The following LRRC63 variants were observed in gnomAD, a reference collection of about 807,000 sequenced individuals.
LRRC63 encodes the protein leucine-rich repeat-containing protein 63.
In LRRC63, 40 loss-of-function variants were observed where a neutral mutation model predicts 49.5. The ratio of observed to expected loss-of-function variants is 0.81; its 90% confidence interval spans 0.63 to 1.05. The LOEUF (loss-of-function observed/expected upper bound fraction) is 1.05. Among genes scored for constraint, LRRC63 ranks in the 50% least tolerant of loss-of-function variants. The pLI, the probability that LRRC63 is intolerant of heterozygous loss-of-function variation, is 0.00. For missense variants in LRRC63, 636 were observed against 663.1 expected (o/e 0.96, Z 0.45); for synonymous variants, 191 against 221.1 (o/e 0.86, Z 1.21).
At chr13:46,242,346 G>A (rs1317151806) in intron 5 of LRRC63, among the ~76,000 whole-genome samples, 2 of 152,040 alleles carry the variant, frequency 1.3e-5, no homozygotes, top group African/African-American at 2.4e-5. Context: ...GAGAGGATTA[G>A]GAAAAATAAC....
intron 5 of LRRC63, among the ~76,000 whole-genome samples, chr13:46,241,462 A>C (rs1480968753): frequency 6.6e-6 from 1 of 152,218 alleles, no homozygotes; most frequent in East Asian, 1.9e-4. Flanking sequence ...AAAAGCAAAA[A>C]TTGACAGATG....
intron 5 of LRRC63, among the ~76,000 whole-genome samples, chr13:46,234,681 G>A (rs931155795): frequency 1.3e-5 from 2 of 152,130 alleles, no homozygotes; most frequent in Admixed American, 1.3e-4. Flanking sequence ...CTGAACACAA[G>A]CTCAATATCA....
At chr13:46,225,750 T>A (rs530678390) in intron 2 of LRRC63, among the ~76,000 whole-genome samples, 1 of 152,304 alleles carries the variant, frequency 6.6e-6, no homozygotes, top group Non-Finnish European at 1.5e-5. Flanking sequence ...ATGTGGCATA[T>A]GTATCTCTCT....
chr13:46,257,199 C>T (rs2047526187), intron 7 of LRRC63, among the ~76,000 whole-genome samples: 1 of 152,152 alleles, frequency 6.6e-6, no homozygotes, highest in Non-Finnish European at 1.5e-5. Context: ...TGGCCTTCAG[C>T]ATACAGCCAA....
At chr13:46,217,222 G>A (rs2046276681) in intron 2 of LRRC63, among the ~76,000 whole-genome samples, 1 of 152,198 alleles carries the variant, frequency 6.6e-6, no homozygotes, top group East Asian at 1.9e-4. Context: ...GAATTCGGCT[G>A]TGAATCTGTC....
exon 3 of LRRC63, chr13:46,227,723 G>C (rs2046617607): frequency 1.3e-6 from 2 of 1,550,338 alleles, no homozygotes; most frequent in South Asian, 2.4e-5. Flanking sequence ...TCCGTGAGCA[G>C]ATTCCAGATA....
At chr13:46,215,717 C>T (rs1376621865) in intron 2 of LRRC63, among the ~76,000 whole-genome samples, 1 of 152,092 alleles carries the variant, frequency 6.6e-6, no homozygotes, top group Non-Finnish European at 1.5e-5. Context: ...ATGGTATTGC[C>T]TAGGTTTTCT....
At chr13:46,228,055 T>A (rs764899565) in exon 3 of LRRC63, 1 of 1,551,134 alleles carries the variant, frequency 6.4e-7, no homozygotes, top group South Asian at 1.2e-5. Context: ...ACTGTATCTA[T>A]GAAACCAGAA....
intron 8 of LRRC63, among the ~76,000 whole-genome samples, chr13:46,265,003 G>A (rs149083678): frequency 4.6e-5 from 7 of 152,064 alleles, no homozygotes; most frequent in Non-Finnish European, 7.4e-5. Flanking sequence ...CTAAAAAGAC[G>A]AAAATTAGCC....
chr13:46,212,501 A>G (rs1191858330), intron 1 of LRRC63, among the ~76,000 whole-genome samples: 1 of 152,250 alleles, frequency 6.6e-6, no homozygotes, highest in Non-Finnish European at 1.5e-5. Context: ...GTTGAAAAAC[A>G]AGCCATTATA....
rs8002370 is a variant in LRRC63, at chr13:46,228,222, A to G, written c.763+33A>G. On this transcript the variant is annotated intron_variant, in intron 3 of 9. Coordinates refer to ENST00000595396, the Ensembl canonical transcript of LRRC63. ...CAATCTGAACACGGTATAATTATAG[A>G]GTCAAGTAGAGCAAAGGGGAGAGAA... 1.1e-3 allele frequency: 1,553 copies of G among 1,449,586 alleles called. 17 individuals carry two copies. The African/African-American group carries it at 0.019, about 18-fold the overall frequency. 89.8% of individuals were successfully genotyped at this position (1,449,586 alleles called of 1,614,324 possible).
intron 9 of LRRC63, chr13:46,270,569 C>A: frequency 1.1e-6 from 1 of 870,540 alleles, no homozygotes; most frequent in Non-Finnish European, 2.0e-6. Context: ...GACACAAAAA[C>A]GGTATGAAGA....
intron 2 of LRRC63, among the ~76,000 whole-genome samples, chr13:46,218,537 G>A (rs1054820014): frequency 6.6e-6 from 1 of 152,020 alleles, no homozygotes; most frequent in Non-Finnish European, 1.5e-5. Context: ...CACATTGATG[G>A]GTTTTAACTC....
intron 5 of LRRC63, among the ~76,000 whole-genome samples, chr13:46,235,764 A>G (rs2046886495): frequency 6.6e-6 from 1 of 152,188 alleles, no homozygotes; most frequent in African/African-American, 2.4e-5. Flanking sequence ...CTTATGAACT[A>G]CTAAAGGATT....
chr13:46,264,268 A>G (rs1399731378), intron 8 of LRRC63, among the ~76,000 whole-genome samples: 1 of 152,194 alleles, frequency 6.6e-6, no homozygotes, highest in Non-Finnish European at 1.5e-5. Flanking sequence ...TGAATCAGCC[A>G]GCTCAAACTT....
chr13:46,250,402 T>C (rs1217299577), exon 7 of LRRC63: 1 of 1,526,818 alleles, frequency 6.5e-7, no homozygotes. Context: ...GAAATAATCC[T>C]ATCAAAGAAA....
intron 3 of LRRC63, 128 bp downstream of exon 3, chr13:46,228,317 T>C (rs2046639728): frequency 1.4e-6 from 1 of 709,598 alleles, no homozygotes; most frequent in African/African-American, 1.8e-5. Flanking sequence ...ACCTTTTATA[T>C]ATACATGTAA....
At chr13:46,235,869 T>C (rs2046889309) in intron 5 of LRRC63, among the ~76,000 whole-genome samples, 1 of 152,080 alleles carries the variant, frequency 6.6e-6, no homozygotes. Flanking sequence ...TAAATGAAAC[T>C]ATGGACAGAG....
exon 6 of LRRC63, chr13:46,246,584 C>T (rs1399271280): frequency 2.7e-6 from 4 of 1,471,700 alleles, no homozygotes; most frequent in Non-Finnish European, 2.7e-6. Context: ...GTTGATATAT[C>T]TTAATTTATC....
Sources: allele counts gnomAD v4.1 joint callset (sites outside exome capture counted in the v4.1 genomes callset), GRCh38; gene constraint gnomAD v4.1.1; transcripts MANE v1.5; gene names NCBI Gene and HGNC (gene_info 2026-07-23, HGNC 2026-07-21).